Variants in DLGAP2 observed in about 807,000 individuals in gnomAD.
DLGAP2 encodes disks large-associated protein 2.
Under a neutral mutation model 100.3 loss-of-function variants are expected in DLGAP2, and 26 were observed. The observed-to-expected ratio is 0.26, with a 90% CI of 0.19 to 0.36. The LOEUF (loss-of-function observed/expected upper bound fraction) is 0.36. Among genes scored for constraint, DLGAP2 ranks in the 10% least tolerant of loss-of-function variants. DLGAP2 has a pLI of 1.00. For missense variants in DLGAP2, 1,858 were observed against 1,453.2 expected, an observed-to-expected ratio of 1.28 and a Z score of -4.53; for synonymous variants, 886 against 630.1, an observed-to-expected ratio of 1.41 and a Z score of -6.08.
intron 6 of DLGAP2, among the ~76,000 whole-genome samples, chr8:1,566,387 C>A (rs73529622): frequency 6.6e-6 from 1 of 152,104 alleles, no homozygotes; most frequent in African/African-American, 2.4e-5. Context: ...CATATTTGCC[C>A]AAAATTTATT....
At chr8:1,494,884 C>T (rs936519148) in intron 3 of DLGAP2, among the ~76,000 whole-genome samples, 4 of 152,188 alleles carry the variant, frequency 2.6e-5, no homozygotes, top group Non-Finnish European at 4.4e-5. Flanking sequence ...AGAGAACAAA[C>T]TTAACTTCCC....
chr8:1,318,744 G>T (rs1361000603), intron 3 of DLGAP2, among the ~76,000 whole-genome samples: 2 of 149,036 alleles, frequency 1.3e-5, no homozygotes, highest in African/African-American at 5.0e-5. Flanking sequence ...TATTTTTACT[G>T]TTTTCATTGT....
chr8:1,059,321 C>A (rs928206075), intron 2 of DLGAP2, among the ~76,000 whole-genome samples: 1 of 137,226 alleles, frequency 7.3e-6, no homozygotes, highest in African/African-American at 3.0e-5. Context: ...GGTATGGACT[C>A]TCCCTGCCTT....
chr8:1,097,547 G>A (rs1379642492), intron 2 of DLGAP2, among the ~76,000 whole-genome samples: 1 of 140,244 alleles, frequency 7.1e-6, no homozygotes, highest in African/African-American at 2.7e-5. Flanking sequence ...CCTCTGCTCA[G>A]TAGAGTGGAG....
At chr8:796,950 G>A (rs546120070) in intron 1 of DLGAP2, among the ~76,000 whole-genome samples, 2 of 152,276 alleles carry the variant, frequency 1.3e-5, no homozygotes, top group East Asian at 3.9e-4. Flanking sequence ...TTTTGCATAG[G>A]ATCAAACGAC....
At chr8:1,382,598 G>C (rs1404399678) in intron 3 of DLGAP2, among the ~76,000 whole-genome samples, 1 of 152,168 alleles carries the variant, frequency 6.6e-6, no homozygotes, top group Admixed American at 6.5e-5. Flanking sequence ...TAAAAAATTA[G>C]CAGTGCAGTG....
intron 3 of DLGAP2, among the ~76,000 whole-genome samples, chr8:1,442,293 T>G (rs56113408): frequency 0.012 from 1,591 of 131,932 alleles, 42 homozygotes; most frequent in African/African-American, 0.043. Flanking sequence ...ATGGATCCAG[T>G]CATAGACCTG....
chr8:1,132,323 C>A (rs1363427761), intron 2 of DLGAP2, among the ~76,000 whole-genome samples: 2 of 152,144 alleles, frequency 1.3e-5, no homozygotes, highest in African/African-American at 4.8e-5. Flanking sequence ...AAAAACTAGA[C>A]TACCTGAAGC....
At chr8:1,497,435 G>C (rs1799581325) in intron 3 of DLGAP2, among the ~76,000 whole-genome samples, 1 of 152,198 alleles carries the variant, frequency 6.6e-6, no homozygotes, top group African/African-American at 2.4e-5. Flanking sequence ...GTAGTTGTAT[G>C]ACAGCAGCCA....
chr8:1,656,559 G>T (rs1323944689), intron 8 of DLGAP2, among the ~76,000 whole-genome samples: 1 of 152,296 alleles, frequency 6.6e-6, no homozygotes, highest in East Asian at 1.9e-4. Context: ...TTCAGAAGGG[G>T]TTTGCAAATG....
At chr8:1,364,900 G>T (rs1027637842) in intron 3 of DLGAP2, among the ~76,000 whole-genome samples, 5 of 152,162 alleles carry the variant, frequency 3.3e-5, no homozygotes, top group Admixed American at 1.3e-4. Flanking sequence ...CATGGCAGGG[G>T]GTAGTTTTAA....
intron 1 of DLGAP2, among the ~76,000 whole-genome samples, chr8:820,635 T>C (rs375012296): frequency 6.6e-6 from 1 of 152,216 alleles, no homozygotes; most frequent in Non-Finnish European, 1.5e-5. Flanking sequence ...AGAAGATTGT[T>C]GATATGTGGC....
In DLGAP2 at chr8:1,473,927, C is replaced by G. The variant is rs138314959; in HGVS notation, c.107-27439C>G. On this transcript the variant is annotated intron_variant, in intron 3 of 14. Coordinates refer to ENST00000637795, the MANE Select transcript of DLGAP2 (RefSeq NM_001346810.2). ...GTGGAACTGTGAGTCCATTAAACCT[C>G]TTTTTCTGTGTAAATTACCCAGTCT... 9.0e-3 allele frequency among the ~76,000 whole-genome samples: 1,377 copies of G among 152,296 alleles called. 31 individuals are homozygous for G. Among genetic ancestry groups the G allele is most frequent in the African/African-American group, 0.032 (1,329 of 41,546 alleles).
intron 6 of DLGAP2, among the ~76,000 whole-genome samples, chr8:1,597,794 T>C (rs1277825416): frequency 6.6e-6 from 1 of 152,236 alleles, no homozygotes; most frequent in South Asian, 2.1e-4. Context: ...TTTCTACATA[T>C]ACAATCATGT....
chr8:951,824 C>G (rs1799487284), intron 2 of DLGAP2, among the ~76,000 whole-genome samples: 1 of 152,180 alleles, frequency 6.6e-6, no homozygotes, highest in Non-Finnish European at 1.5e-5. Context: ...AAGGCGGTCT[C>G]AAATCCATGT....
chr8:1,180,883 T>C (rs62489000), intron 2 of DLGAP2, among the ~76,000 whole-genome samples: 73,672 of 125,134 alleles, frequency 0.59, 21,906 homozygotes, highest in Admixed American at 0.65. Flanking sequence ...ATGTTGTGTG[T>C]AAGGGCAGTA....
chr8:1,684,513 T>G lies in DLGAP2; in HGVS notation c.2704+5884T>G, dbSNP rs578151624. Among the ~76,000 whole-genome samples the G allele has an allele frequency of 3.9e-5, 6 of 152,206 alleles. No individual in the cohort carries two copies. In the East Asian group the frequency reaches 7.7e-4, roughly 20 times the overall value. On this transcript the variant is annotated intron_variant, in intron 12 of 14. Transcript: ENST00000637795. ...ACTCTGATCTCTGAATATTGAAATT[T>G]CCATTATATGAAGTAATTTTTGCCC...
chr8:1,078,573 C>G (rs1035652101), intron 2 of DLGAP2, among the ~76,000 whole-genome samples: 2 of 135,422 alleles, frequency 1.5e-5, no homozygotes, highest in African/African-American at 5.3e-5. Context: ...CTCCCTCCCT[C>G]TCCTCTAACC....
intron 6 of DLGAP2, among the ~76,000 whole-genome samples, chr8:1,586,538 C>A (rs934069951): frequency 6.6e-6 from 1 of 152,198 alleles, no homozygotes; most frequent in Non-Finnish European, 1.5e-5. Context: ...CTCACTACCC[C>A]GGGGTCTGCT....
Sources: allele counts gnomAD v4.1 joint callset (sites outside exome capture counted in the v4.1 genomes callset), GRCh38; gene constraint gnomAD v4.1.1; transcripts MANE v1.5; gene names NCBI Gene and HGNC (gene_info 2026-07-23, HGNC 2026-07-21).